The following ROBO1 variants were observed in gnomAD, a reference collection of about 807,000 sequenced individuals.
ROBO1 encodes roundabout guidance receptor 1.
Under a neutral mutation model 195.9 loss-of-function variants are expected in ROBO1, and 149 were observed. The ratio of observed to expected loss-of-function variants is 0.76; its 90% confidence interval spans 0.67 to 0.87. The LOEUF (loss-of-function observed/expected upper bound fraction) is 0.87. Among genes scored for constraint, ROBO1 ranks in the 40% least tolerant of loss-of-function variants. ROBO1 has a pLI of 0.00. For missense variants in ROBO1, 1,933 were observed against 2,068.3 expected, an observed-to-expected ratio of 0.93 and a Z score of 1.27; for synonymous variants, 816 against 733.2, an observed-to-expected ratio of 1.11 and a Z score of -1.82.
intron 2 of ROBO1, among the ~76,000 whole-genome samples, chr3:79,440,967 C>T (rs765125370): frequency 4.6e-5 from 7 of 152,066 alleles, no homozygotes; most frequent in Non-Finnish European, 1.0e-4. Flanking sequence ...ACTTTGAAAC[C>T]ATAAATAAAA....
intron 3 of ROBO1, among the ~76,000 whole-genome samples, chr3:79,029,160 C>T (rs2078251433): frequency 1.3e-5 from 2 of 152,060 alleles, no homozygotes; most frequent in Admixed American, 6.6e-5. Flanking sequence ...ATCCAAATCA[C>T]ATTACTTTGG....
At chr3:79,493,353 G>A (rs1939565741) in intron 2 of ROBO1, among the ~76,000 whole-genome samples, 1 of 151,608 alleles carries the variant, frequency 6.6e-6, no homozygotes, top group African/African-American at 2.4e-5. Context: ...GAATTTCTAT[G>A]GTGGATGTAT....
intron 3 of ROBO1, among the ~76,000 whole-genome samples, chr3:79,086,747 T>C (rs917105149): frequency 1.3e-5 from 2 of 152,168 alleles, no homozygotes; most frequent in Non-Finnish European, 2.9e-5. Context: ...CTTACTAATA[T>C]ATATTCTACG....
chr3:79,387,548 G>C (rs1003159930), intron 2 of ROBO1, among the ~76,000 whole-genome samples: 140 of 151,722 alleles, frequency 9.2e-4, no homozygotes, highest in Non-Finnish European at 1.3e-4. Flanking sequence ...TGGTTAGCAA[G>C]TCTTTTTAAA....
At chr3:79,584,279 T>TAA (rs201728505) in intron 2 of ROBO1, among the ~76,000 whole-genome samples, 1 of 146,874 alleles carries the variant, frequency 6.8e-6, no homozygotes, top group South Asian at 2.1e-4. Context: ...TATATATATA[T>TAA]TACTACATAT....
intron 2 of ROBO1, among the ~76,000 whole-genome samples, chr3:79,378,167 C>CTG (rs1373724844): frequency 6.6e-6 from 1 of 151,678 alleles, no homozygotes. Context: ...CTCTCTCTCT[C>CTG]TCTCTCTCTC....
At position 78,726,364 on chromosome 3, in the gene ROBO1, T is replaced by A. The variant is rs570692166; in HGVS notation, c.658-8481A>T. ...TTATGCAGTACTAAATTTTTACAAT[T>A]TTCTAAAAGATTAAAGGTTTGAAAA... is the stretch of plus-strand genomic sequence containing the variant. On this transcript the variant is annotated intron_variant, in intron 5 of 30. Transcript: ENST00000464233. 2.1e-3 allele frequency among the ~76,000 whole-genome samples: 324 copies of A among 152,304 alleles called. 1 individual carries two copies. Among genetic ancestry groups the A allele is most frequent in the African/African-American group, 7.2e-3 (300 of 41,566 alleles).
intron 2 of ROBO1, among the ~76,000 whole-genome samples, chr3:79,286,349 A>C (rs1046059416): frequency 6.6e-6 from 1 of 152,210 alleles, no homozygotes; most frequent in African/African-American, 2.4e-5. Context: ...TATTTGTCCC[A>C]TATCTCCCAA....
At chr3:78,605,959 T>A (rs1397476109) in intron 29 of ROBO1, among the ~76,000 whole-genome samples, 6 of 152,204 alleles carry the variant, frequency 3.9e-5, no homozygotes, top group East Asian at 1.9e-4. Flanking sequence ...GCTATTTTAA[T>A]TCAGTGCTTT....
intron 10 of ROBO1, among the ~76,000 whole-genome samples, chr3:78,671,540 C>T (rs921224655): frequency 2.0e-5 from 3 of 151,556 alleles, no homozygotes; most frequent in African/African-American, 7.3e-5. Context: ...TGGAGTCACA[C>T]TTCAATTTGC....
At chr3:79,216,568 C>T (rs2082058606) in intron 2 of ROBO1, among the ~76,000 whole-genome samples, 1 of 151,978 alleles carries the variant, frequency 6.6e-6, no homozygotes, top group Non-Finnish European at 1.5e-5. Flanking sequence ...TTTTCCCTTC[C>T]TGTGGAGTAC....
chr3:79,732,710 T>G (rs576773938), intron 1 of ROBO1, among the ~76,000 whole-genome samples: 1 of 152,306 alleles, frequency 6.6e-6, no homozygotes, highest in South Asian at 2.1e-4. Flanking sequence ...GTTGACAAAC[T>G]CTTTTTCTTT....
intron 4 of ROBO1, among the ~76,000 whole-genome samples, chr3:78,913,273 G>A (rs1311416724): frequency 6.6e-6 from 1 of 151,998 alleles, no homozygotes; most frequent in East Asian, 1.9e-4. Flanking sequence ...ATTCTGTTTT[G>A]GTGACAGTAG....
intron 4 of ROBO1, among the ~76,000 whole-genome samples, chr3:78,819,446 A>C (rs2030609998): frequency 2.4e-5 from 1 of 42,448 alleles, no homozygotes; most frequent in Non-Finnish European, 8.8e-5. Context: ...CATATTCTAC[A>C]AAAAAAAAAA....
intron 3 of ROBO1, among the ~76,000 whole-genome samples, chr3:78,948,751 A>G (rs563843953): frequency 1.3e-5 from 2 of 152,350 alleles, no homozygotes; most frequent in African/African-American, 2.4e-5. Flanking sequence ...ACATGATTGT[A>G]TATCTAGAAA....
intron 8 of ROBO1, among the ~76,000 whole-genome samples, chr3:78,698,962 C>T (rs1363606726): frequency 1.3e-5 from 2 of 152,110 alleles, no homozygotes. Flanking sequence ...CAGCAATCTA[C>T]GACAATGTGC....
At chr3:78,795,721 A>C (rs1463363587) in intron 4 of ROBO1, among the ~76,000 whole-genome samples, 1 of 152,096 alleles carries the variant, frequency 6.6e-6, no homozygotes, top group African/African-American at 2.4e-5. Flanking sequence ...AGTGCTACAC[A>C]GAAAATTTCT....
intron 2 of ROBO1, among the ~76,000 whole-genome samples, chr3:79,585,230 A>G (rs551418532): frequency 4.8e-4 from 73 of 152,082 alleles, no homozygotes; most frequent in African/African-American, 1.7e-3. Flanking sequence ...CATAATTAAC[A>G]TATTATTCTA....
At chr3:79,397,500 C>A (rs976937723) in intron 2 of ROBO1, among the ~76,000 whole-genome samples, 4 of 152,124 alleles carry the variant, frequency 2.6e-5, no homozygotes, top group African/African-American at 9.7e-5. Context: ...TCACGAAGGA[C>A]AGCTTTAGTT....
Sources: gnomAD v4.1 joint callset for allele counts (sites outside exome capture counted in the v4.1 genomes callset) on GRCh38, gnomAD v4.1.1 for gene constraint, MANE v1.5 for transcripts, NCBI Gene and HGNC (gene_info 2026-07-23, HGNC 2026-07-21) for gene names.